The following PIAS2 variants were observed in gnomAD, a reference collection of about 807,000 sequenced individuals.
The protein encoded by PIAS2 is protein inhibitor of activated STAT 2.
A neutral mutation model predicts 69.7 loss-of-function variants in PIAS2; 19 were observed. The ratio of observed to expected loss-of-function variants is 0.27; its 90% CI spans 0.19 to 0.40. The LOEUF is 0.40. PIAS2 is among the 10% of genes least tolerant of loss of function. PIAS2 has a pLI of 1.00. For missense variants in PIAS2, 624 were observed against 757.0 expected (o/e 0.82, Z 2.06); for synonymous variants, 261 against 263.2 (o/e 0.99, Z 0.08).
At chr18:46,844,465 A>G (rs1299191656) in intron 7 of PIAS2, among the ~76,000 whole-genome samples, 1 of 152,142 alleles carries the variant, frequency 6.6e-6, no homozygotes, top group Non-Finnish European at 1.5e-5. Context: ...CACAGTTTTT[A>G]TTATGCACTA....
intron 2 of PIAS2, among the ~76,000 whole-genome samples, chr18:46,879,737 A>T (rs962564430): frequency 3.9e-5 from 6 of 152,242 alleles, no homozygotes; most frequent in Non-Finnish European, 7.3e-5. Context: ...AAAAGGAAAA[A>T]AAATCTGACA....
rs116102106 is a variant in PIAS2 at position 46,891,299 on chromosome 18, T to C, written c.25-245A>G. ...CTTAATTTTGGTAATCTATAGTCTA[T>C]TGGTTTCTACTAACCACTTCATTAT... On this transcript the variant is annotated intron_variant, in intron 1 of 13. Transcript: ENST00000585916. 1,204 of 599,234 alleles carry C rather than the reference T, an allele frequency of 2.0e-3. 15 individuals carry two copies. The African/African-American group carries it at 0.02, about 10-fold the overall frequency. The allele number at this position is 599,234 out of a possible 1,614,324, so 37.1% of individuals were successfully genotyped here.
At chr18:46,869,007 G>A (rs1341550073) in intron 2 of PIAS2, among the ~76,000 whole-genome samples, 2 of 152,198 alleles carry the variant, frequency 1.3e-5, no homozygotes, top group Admixed American at 6.5e-5. Flanking sequence ...AAAGTCGTGG[G>A]GGTGACAAAG....
chr18:46,825,010 A>T (rs1371493154), intron 11 of PIAS2, among the ~76,000 whole-genome samples: 8 of 151,318 alleles, frequency 5.3e-5, no homozygotes, highest in African/African-American at 4.9e-5. Context: ...AAAAAATTAA[A>T]AAAAAAAAAA....
intron 2 of PIAS2, among the ~76,000 whole-genome samples, chr18:46,876,232 G>C (rs2051161717): frequency 6.6e-6 from 1 of 152,162 alleles, no homozygotes; most frequent in Non-Finnish European, 1.5e-5. Flanking sequence ...AAAGACAAAG[G>C]ATTGTATAAC....
intron 9 of PIAS2, among the ~76,000 whole-genome samples, chr18:46,832,347 G>C (rs558847943): frequency 2.2e-4 from 34 of 151,810 alleles, no homozygotes; most frequent in Non-Finnish European, 4.6e-4. Flanking sequence ...CCCAGGAGGT[G>C]GAAGGTTGCG....
intron 1 of PIAS2, among the ~76,000 whole-genome samples, chr18:46,897,338 G>A (rs1192147247): frequency 6.6e-6 from 1 of 152,122 alleles, no homozygotes; most frequent in African/African-American, 2.4e-5. Flanking sequence ...ACATTTTATC[G>A]CACCAGAAAA....
chr18:46,885,769 G>C (rs115924196), intron 2 of PIAS2, among the ~76,000 whole-genome samples: 3 of 152,018 alleles, frequency 2.0e-5, no homozygotes, highest in African/African-American at 7.2e-5. Context: ...ATGAGGATAC[G>C]TGTATTTCTG....
intron 8 of PIAS2, among the ~76,000 whole-genome samples, chr18:46,842,027 G>A (rs1417849925): frequency 6.6e-6 from 1 of 151,986 alleles, no homozygotes; most frequent in East Asian, 1.9e-4. Flanking sequence ...TCAGAAGTTT[G>A]AGATCAGCCT....
At position 46,810,637 on chromosome 18, in the gene PIAS2, T is replaced by C. The variant is rs564768660; in HGVS notation, c.*1796A>G. On this transcript the variant is annotated 3_prime_UTR_variant, in exon 14 of 14. Transcript: ENST00000585916. ...CCCCACAAAGGGATAATCCATTGAA[T>C]AAGGAGACAATGTAGCCAAAGAAGG... 5 of 149,740 alleles carry C rather than the reference T, an allele frequency of 3.3e-5. No individual in the cohort carries two copies. The South Asian group carries it at 1.1e-3, about 32-fold the overall frequency. 9.3% of individuals were successfully genotyped at this position (149,740 alleles called of 1,614,324 possible).
At chr18:46,836,082 T>G (rs923750371) in intron 9 of PIAS2, among the ~76,000 whole-genome samples, 8 of 152,218 alleles carry the variant, frequency 5.3e-5, no homozygotes, top group African/African-American at 1.9e-4. Flanking sequence ...AAGCAAACTT[T>G]TCCCTCTTTC....
At chr18:46,835,125 T>C (rs1296141467) in intron 9 of PIAS2, among the ~76,000 whole-genome samples, 1 of 152,204 alleles carries the variant, frequency 6.6e-6, no homozygotes, top group African/African-American at 2.4e-5. Context: ...GGGCATGACA[T>C]ATGTAACTCT....
chr18:46,890,295 A>G (rs1295918616), intron 2 of PIAS2, among the ~76,000 whole-genome samples: 1 of 152,236 alleles, frequency 6.6e-6, no homozygotes, highest in Admixed American at 6.5e-5. Context: ...TTACCAACAT[A>G]CTTAACACCA....
intron 11 of PIAS2, among the ~76,000 whole-genome samples, chr18:46,824,103 TA>T (rs2042514248): frequency 6.6e-6 from 1 of 152,244 alleles, no homozygotes. Flanking sequence ...TAAACGTTTG[TA>T]ACTTTATCCA....
intron 2 of PIAS2, among the ~76,000 whole-genome samples, chr18:46,868,473 G>T (rs1568616599): frequency 2.0e-5 from 3 of 152,064 alleles, no homozygotes; most frequent in Non-Finnish European, 4.4e-5. Context: ...AACATGCCTT[G>T]TACTGTAACA....
At chr18:46,864,374 C>T (rs2049107890) in intron 2 of PIAS2, 126 bp from the exon 3 acceptor site, 6 of 617,044 alleles carry the variant, frequency 9.7e-6, no homozygotes, top group Non-Finnish European at 1.7e-5. Context: ...TTAAAATACT[C>T]CAAAATCAGG....
At chr18:46,891,262 G>A (rs1272364163) in intron 1 of PIAS2, 8 of 669,420 alleles carry the variant, frequency 1.2e-5, no homozygotes, top group Non-Finnish European at 2.2e-5. Context: ...ATTATATTTT[G>A]TTGTACAAGA....
chr18:46,811,490 C>CA lies in PIAS2; in HGVS notation c.*942dup, dbSNP rs1037373894. ...ATTAAATTTTGTTATTACCACCTCC[C>CA]AAAATCTGCTCTTCTGCTGGCTCCA... On this transcript the variant is annotated 3_prime_UTR_variant, in exon 14 of 14. Coordinates refer to ENST00000585916, the MANE Select transcript of PIAS2 (RefSeq NM_004671.5). 1.3e-5 allele frequency: 2 copies of CA among 152,110 alleles called. No individual in the cohort carries two copies. Among genetic ancestry groups the CA allele is most frequent in the African/African-American group, 4.8e-5 (2 of 41,424 alleles). 9.4% of individuals were successfully genotyped at this position (152,110 alleles called of 1,614,324 possible).
At chr18:46,894,960 C>A (rs1483289137) in intron 1 of PIAS2, among the ~76,000 whole-genome samples, 1 of 151,750 alleles carries the variant, frequency 6.6e-6, no homozygotes, top group East Asian at 1.9e-4. Context: ...GTAATCCCAG[C>A]TACTCAGGAG....
Sources: gnomAD v4.1 joint callset for allele counts (sites outside exome capture counted in the v4.1 genomes callset) on GRCh38, gnomAD v4.1.1 for gene constraint, MANE v1.5 for transcripts, NCBI Gene and HGNC (gene_info 2026-07-23, HGNC 2026-07-21) for gene names.